The following MYCBPAP variants were observed in gnomAD, a reference collection of about 807,000 sequenced individuals.
MYCBPAP encodes the protein MYCBP-associated protein.
A neutral mutation model predicts 106.1 loss-of-function variants in MYCBPAP; 60 were observed. The observed-to-expected ratio is 0.57, with a 90% CI of 0.46 to 0.70. The LOEUF is 0.70. Ranked by LOEUF, MYCBPAP falls within the 30% of genes least tolerant of loss-of-function variation. MYCBPAP has a pLI of 0.00. For synonymous variants in MYCBPAP, 407 were observed against 440.6 expected (o/e 0.92, Z 0.95); for missense variants, 1,064 against 1,169.3 (o/e 0.91, Z 1.31).
chr17:50,509,673 G>C (rs183180006), intron 1 of MYCBPAP: 1 of 158,216 alleles, frequency 6.3e-6, no homozygotes, highest in East Asian at 1.9e-4. Flanking sequence ...TAGGATTCCA[G>C]GCATGGACCA....
chr17:50,518,807 G>C, intron 5 of MYCBPAP, 83 bp downstream of exon 5: 1 of 1,525,958 alleles, frequency 6.6e-7, no homozygotes, highest in Non-Finnish European at 8.9e-7. Context: ...TCCAGAGCCT[G>C]GCCTTGGGCT....
intron 14 of MYCBPAP, 71 bp from the exon 15 acceptor site, chr17:50,527,216 A>G: frequency 6.3e-7 from 1 of 1,591,546 alleles, no homozygotes; most frequent in Non-Finnish European, 8.6e-7. Context: ...CCATCCCCAC[A>G]TCACCATGCC....
In MYCBPAP at chr17:50,528,721, G is replaced by A. The variant is rs61014050; in HGVS notation, c.2434G>A (p.Val812Met). The change falls in exon 17 of 19, where the codon GTG (valine) becomes ATG (methionine). Residue 812 changes from valine to methionine, a missense_variant. Coordinates refer to ENST00000323776, the MANE Select transcript of MYCBPAP (RefSeq NM_032133.6). ...QDQKSPPIME[V>M]KVPVGKAGKE... The stretch of plus-strand genomic sequence containing the variant: ...TCAAAAATCACCTCCTATCATGGAA[G>A]TGAAGGTACCTGTGGGGAAAGCTGG... 3,281 of 1,614,046 alleles carry A rather than the reference G, an allele frequency of 2.0e-3. 54 individuals carry two copies. The African/African-American group carries it at 0.039, about 19-fold the overall frequency.
At chr17:50,518,841 C>T in intron 5 of MYCBPAP, 117 bp downstream of exon 5, 19 of 1,462,204 alleles carry the variant, frequency 1.3e-5, no homozygotes, top group Non-Finnish European at 1.8e-5. Context: ...CTTTCACTCC[C>T]AAGAGTGTCT....
intron 1 of MYCBPAP, 46 bp downstream of exon 1, chr17:50,508,796 AG>A: frequency 6.5e-7 from 1 of 1,537,022 alleles, no homozygotes; most frequent in Non-Finnish European, 8.9e-7. Flanking sequence ...CGAGAGGGGA[AG>A]CGGTCCCCGG....
chr17:50,519,906 T>C, intron 7 of MYCBPAP, 119 bp downstream of exon 7: 1 of 1,158,438 alleles, frequency 8.6e-7, no homozygotes, highest in Middle Eastern at 3.0e-4. Flanking sequence ...TCTCTGTGGT[T>C]CTCTGGGGTC....
chr17:50,520,492 C>G (rs992440806), intron 7 of MYCBPAP, among the ~76,000 whole-genome samples: 3 of 149,460 alleles, frequency 2.0e-5, no homozygotes, highest in African/African-American at 7.5e-5. Flanking sequence ...GCAACAAGAG[C>G]AAAACTCTGT....
At position 50,519,742 on chromosome 17, in the gene MYCBPAP, C is replaced by G. The variant is rs755412813; in HGVS notation, c.871C>G (p.Pro291Ala). Residue 291 changes from proline (P) to alanine (A), a missense_variant, in exon 7 of 19, where the codon CCC becomes GCC. By Grantham distance (27) the Pro-to-Ala change is conservative. Transcript: ENST00000323776. ...KTKTQRGLME[P>A]ITHIRKPHSI... ...AAAAACTCAGCGTGGCCTCATGGAG[C>G]CCATCACTCACATCAGGAAGCCCCA... 1.9e-6 allele frequency: 3 copies of G among 1,614,058 alleles called. No individual in the cohort carries two copies. The South Asian group carries it at 3.3e-5, about 18-fold the overall frequency.
intron 6 of MYCBPAP, 21 bp from the exon 7 acceptor site, chr17:50,519,619 T>A: frequency 6.2e-7 from 1 of 1,613,684 alleles, no homozygotes; most frequent in Non-Finnish European, 8.5e-7. Flanking sequence ...GTAATCTGAC[T>A]CACCTTTCCT....
chr17:50,515,149 C>G (rs933793411), intron 1 of MYCBPAP, among the ~76,000 whole-genome samples: 4 of 152,162 alleles, frequency 2.6e-5, no homozygotes, highest in Non-Finnish European at 5.9e-5. Flanking sequence ...AGGGCCCTTT[C>G]CTTTCTCCAG....
At chr17:50,508,985 G>T in intron 1 of MYCBPAP, 1 of 702,840 alleles carries the variant, frequency 1.4e-6, no homozygotes, top group Non-Finnish European at 2.6e-6. Flanking sequence ...TGACAGAGGG[G>T]CCTCAGGGAC....
At chr17:50,530,646 A>T (rs1234522514) in intron 18 of MYCBPAP, among the ~76,000 whole-genome samples, 1 of 151,140 alleles carries the variant, frequency 6.6e-6, no homozygotes, top group Admixed American at 6.6e-5. Context: ...AAAAAAAAAG[A>T]ATCAACTTGT....
chr17:50,518,963 T>C lies in MYCBPAP; in HGVS notation c.653-11T>C, dbSNP rs1368809452. 2 of 1,610,198 alleles carry C rather than the reference T, an allele frequency of 1.2e-6. No individual in the cohort carries two copies. The highest frequency in any genetic ancestry group is 2.2e-5 in the South Asian group (2 of 90,972). ...TCGGCAGAGTGGCGGCAATCTTGCC[T>C]CTCTCTCTAGAACACCTAAAGAAGC... On this transcript the variant is annotated splice_polypyrimidine_tract_variant and intron_variant, in intron 5 of 18. Transcript: ENST00000323776.
intron 10 of MYCBPAP, chr17:50,522,512 A>G (rs2034294299): frequency 6.4e-6 from 1 of 157,056 alleles, no homozygotes; most frequent in African/African-American, 2.4e-5. Flanking sequence ...CCTGGCCAGC[A>G]TGGTGAAACC....
intron 2 of MYCBPAP, 73 bp downstream of exon 2, chr17:50,516,770 C>T: frequency 6.4e-7 from 1 of 1,561,290 alleles, no homozygotes; most frequent in African/African-American, 1.4e-5. Flanking sequence ...TCTAGAACAC[C>T]AGCCATGTCC....
At chr17:50,512,033 C>A (rs2033869390) in intron 1 of MYCBPAP, among the ~76,000 whole-genome samples, 1 of 151,390 alleles carries the variant, frequency 6.6e-6, no homozygotes, top group African/African-American at 2.4e-5. Context: ...CACCACCTCT[C>A]CACCTCCCCA....
chr17:50,510,875 A>C (rs2033821666), intron 1 of MYCBPAP, among the ~76,000 whole-genome samples: 1 of 151,900 alleles, frequency 6.6e-6, no homozygotes, highest in Admixed American at 6.6e-5. Context: ...TCCTTTCACA[A>C]GGGCAGTCAA....
In MYCBPAP at chr17:50,516,082, C is replaced by T. The variant is rs558135711; in HGVS notation, c.77-488C>T. On this transcript the variant is annotated intron_variant, in intron 1 of 18. Coordinates refer to ENST00000323776, the MANE Select transcript of MYCBPAP (RefSeq NM_032133.6). ...TCAGCTCACTGCAACCTCTACCTCC[C>T]GGGCTCAAGTGATTCTCCTGCCTCA... The T allele has an allele frequency of 1.1e-3, 172 of 154,922 alleles. 1 individual carries two copies. The highest frequency in any genetic ancestry group is 1.7e-3 in the Non-Finnish European group (117 of 69,826). 9.6% of individuals were successfully genotyped at this position (154,922 alleles called of 1,614,324 possible).
intron 15 of MYCBPAP, among the ~76,000 whole-genome samples, chr17:50,527,754 G>T (rs2034507932): frequency 6.6e-6 from 1 of 152,174 alleles, no homozygotes; most frequent in African/African-American, 2.4e-5. Flanking sequence ...CCCTGTACCT[G>T]TTTGGAACTT....
Sources: allele counts gnomAD v4.1 joint callset (sites outside exome capture counted in the v4.1 genomes callset), GRCh38; gene constraint gnomAD v4.1.1; transcripts MANE v1.5; gene names NCBI Gene and HGNC (gene_info 2026-07-23, HGNC 2026-07-21).